C6orf120: variants seen among roughly 807,000 people sequenced by gnomAD.
The protein encoded by C6orf120 is UPF0669 protein C6orf120.
For synonymous variants in C6orf120, 165 were observed against 123.1 expected, an observed-to-expected ratio of 1.34 and a Z score of -2.25; for missense variants, 311 against 264.2, an observed-to-expected ratio of 1.18 and a Z score of -1.23.
At chr6:169,703,202 G>A (rs970651153) in exon 1 of C6orf120, 17 of 675,162 alleles carry the variant, frequency 2.5e-5, no homozygotes, top group Middle Eastern at 6.3e-4. Context: ...CCAAAAATAG[G>A]AAAAGCAGCA....
At chr6:169,702,266 G>C (rs1788321006) in exon 1 of C6orf120, 1 of 691,042 alleles carries the variant, frequency 1.4e-6, no homozygotes, top group African/African-American at 1.8e-5. Context: ...GCCGCGCTAC[G>C]GGGGAGGGGT....
exon 1 of C6orf120, chr6:169,704,380 ACTT>A (rs1353911097): frequency 1.1e-5 from 4 of 357,278 alleles, no homozygotes; most frequent in Non-Finnish European, 2.1e-5. Flanking sequence ...ACACTATCAT[ACTT>A]CAAAAGGTCA....
downstream of C6orf120, among the ~76,000 whole-genome samples, chr6:169,706,012 G>T (rs967135452): frequency 6.6e-6 from 1 of 152,118 alleles, no homozygotes; most frequent in Non-Finnish European, 1.5e-5. Context: ...TGGAAGGAAA[G>T]ACTAAATACA....
chr6:169,706,303 CTTAG>C (rs1048888075), downstream of C6orf120, among the ~76,000 whole-genome samples: 1 of 148,838 alleles, frequency 6.7e-6, no homozygotes. Flanking sequence ...TTGTGGAAAA[CTTAG>C]TTGTGTGATT....
chr6:169,706,285 A>G (rs562662178), downstream of C6orf120, among the ~76,000 whole-genome samples: 31 of 152,030 alleles, frequency 2.0e-4, no homozygotes, highest in African/African-American at 7.0e-4. Flanking sequence ...TGGCGTGTAC[A>G]TAAACGTTTG....
exon 1 of C6orf120, chr6:169,703,948 A>G (rs1788648820): frequency 2.2e-6 from 3 of 1,334,892 alleles, no homozygotes; most frequent in East Asian, 2.6e-5. Flanking sequence ...AATGTTGTAA[A>G]TGGCACCAAA....
chr6:169,705,129 T>G, downstream of C6orf120: 1 of 1,593,362 alleles, frequency 6.3e-7, no homozygotes, highest in South Asian at 1.1e-5. Context: ...TTTTTAATCT[T>G]TACCTGATGG....
exon 1 of C6orf120, chr6:169,703,090 T>A (rs1788514944): frequency 6.7e-7 from 1 of 1,503,524 alleles, no homozygotes; most frequent in African/African-American, 1.4e-5. Flanking sequence ...CTGATTGCAG[T>A]TTGCTGTGAA....
chr6:169,702,201 G>C, exon 1 of C6orf120: 3 of 677,340 alleles, frequency 4.4e-6, no homozygotes, highest in African/African-American at 1.8e-5. Flanking sequence ...GTGGTGGTGA[G>C]TCCGAGGGTG....
At chr6:169,703,567 C>A (rs1318103578) in exon 1 of C6orf120, 6 of 213,622 alleles carry the variant, frequency 2.8e-5, no homozygotes, top group Admixed American at 2.3e-4. Flanking sequence ...AAAGTTTGTT[C>A]CTGTACCAGT....
exon 1 of C6orf120, chr6:169,702,851 T>C (rs1299379701): frequency 6.2e-7 from 1 of 1,612,004 alleles, no homozygotes; most frequent in Non-Finnish European, 8.5e-7. Flanking sequence ...GAGTTCGAGA[T>C]GAAGGTGTAC....
downstream of C6orf120, chr6:169,705,690 C>T (rs765639666): frequency 4.4e-6 from 7 of 1,589,326 alleles, no homozygotes; most frequent in Non-Finnish European, 6.0e-6. Flanking sequence ...ACCCTTCAGA[C>T]AAATTCCACA....
At chr6:169,702,300 C>A in exon 1 of C6orf120, 2 of 666,350 alleles carry the variant, frequency 3.0e-6, no homozygotes, top group Admixed American at 2.2e-5. Context: ...CTCCCCGGGG[C>A]CTCACGCGGG....
downstream of C6orf120, chr6:169,705,795 A>G (rs1788764238): frequency 3.7e-6 from 3 of 817,270 alleles, no homozygotes. Context: ...GAATTCTGTT[A>G]CTTTATTGCC....
At chr6:169,704,947 C>T (rs1788724777), downstream of C6orf120, 1 of 430,534 alleles carries the variant, frequency 2.3e-6, no homozygotes, top group Non-Finnish European at 4.2e-6. Flanking sequence ...TTTCACTTAT[C>T]CTTTAGTTGG....
chr6:169,702,691 CTG>C lies in C6orf120; in HGVS notation c.234_235del (p.Tyr79ArgfsTer102). 1 of 1,613,490 alleles carries C rather than the reference CTG, an allele frequency of 6.2e-7. No homozygotes were observed. Reference sequence around the variant, plus strand: ...GCGCAGCCTCAAGGGAGATGCGGATCTGTACGTCTCCGCCAGCAGCCTGCACC... The same window carrying C: ...GCGCAGCCTCAAGGGAGATGCGGATCTACGTCTCCGCCAGCAGCCTGCACC... On this transcript the variant is annotated frameshift_variant, in exon 1 of 1. Coordinates refer to ENST00000332290, the Ensembl canonical transcript of C6orf120. LOFTEE classifies it low-confidence loss of function (END_TRUNC).
chr6:169,704,671 C>G (rs1327000370), exon 1 of C6orf120: 1 of 169,432 alleles, frequency 5.9e-6, no homozygotes, highest in Non-Finnish European at 1.4e-5. Context: ...TCTAAAATTA[C>G]ACAATTATCT....
chr6:169,703,280 C>T (rs1271766821), exon 1 of C6orf120: 1 of 544,948 alleles, frequency 1.8e-6, no homozygotes, highest in African/African-American at 1.9e-5. Context: ...ACTCCATTTT[C>T]ATTAGGCAGG....
downstream of C6orf120, chr6:169,705,010 G>T: frequency 1.6e-6 from 1 of 611,672 alleles, no homozygotes; most frequent in Non-Finnish European, 2.8e-6. Context: ...TCACAGCTTT[G>T]GTCATATTTG....
Sources: gnomAD v4.1 joint callset for allele counts (sites outside exome capture counted in the v4.1 genomes callset) on GRCh38, gnomAD v4.1.1 for gene constraint, MANE v1.5 for transcripts, NCBI Gene and HGNC (gene_info 2026-07-23, HGNC 2026-07-21) for gene names.